The following TBC1D20 variants were observed in gnomAD, a reference collection of about 807,000 sequenced individuals.
TBC1D20 encodes chromosome 20 open reading frame 140.
A neutral mutation model predicts 41.6 loss-of-function variants in TBC1D20; 12 were observed. The ratio of observed to expected loss-of-function variants is 0.29; its 90% CI spans 0.18 to 0.47. The LOEUF (loss-of-function observed/expected upper bound fraction) is 0.47, where lower values mean the gene tolerates loss of function less well. TBC1D20 is among the 20% of genes least tolerant of loss of function. The pLI, the probability that TBC1D20 is intolerant of heterozygous loss-of-function variation, is 1.00. For synonymous variants in TBC1D20, 205 were observed against 204.8 expected (o/e 1.00, Z -0.01); for missense variants, 421 against 517.4 (o/e 0.81, Z 1.81).
intron 7 of TBC1D20, 37 bp from the exon 8 acceptor site, chr20:438,878 G>A: frequency 1.6e-5 from 25 of 1,605,172 alleles, no homozygotes; most frequent in Non-Finnish European, 2.1e-5. Flanking sequence ...GAAGTGGTAT[G>A]AAAGAGGAGG....
intron 1 of TBC1D20, 79 bp downstream of exon 1, chr20:462,257 G>A: frequency 2.9e-6 from 3 of 1,050,740 alleles, no homozygotes; most frequent in South Asian, 8.1e-5. Flanking sequence ...GCGCCCCTCC[G>A]GCGCCGCCTC....
intron 1 of TBC1D20, among the ~76,000 whole-genome samples, chr20:452,072 G>A (rs1472630014): frequency 6.6e-6 from 1 of 152,164 alleles, no homozygotes; most frequent in Non-Finnish European, 1.5e-5. Flanking sequence ...ACTTTGGGAG[G>A]CTGAGGCAGG....
Position 440,293 on chromosome 20 carries a change from G to A in TBC1D20, c.723C>T (p.Phe241=). 1 of 1,614,096 alleles carries A rather than the reference G, an allele frequency of 6.2e-7. No homozygotes were observed. Among genetic ancestry groups the A allele is most frequent in the Non-Finnish European group, 8.5e-7 (1 of 1,180,020 alleles). ...DFRHVVRLYD[F]FLACHPLMPI... The stretch of plus-strand genomic sequence containing the variant: ...GCATCAGTGGGTGGCAGGCCAGGAA[G>A]AAGTCATATAACCGCACGACGTGCC... Residue 241 remains phenylalanine (F), a synonymous_variant, in exon 6 of 8, where the codon TTC becomes TTT. Transcript: ENST00000354200.
intron 3 of TBC1D20, among the ~76,000 whole-genome samples, chr20:443,351 G>T (rs2017273858): frequency 6.6e-6 from 1 of 152,206 alleles, no homozygotes; most frequent in African/African-American, 2.4e-5. Flanking sequence ...CTTTCAGGGA[G>T]TTCTTTTACT....
chr20:440,638 T>C (rs7263349), intron 5 of TBC1D20: 14 of 417,346 alleles, frequency 3.4e-5, no homozygotes, highest in African/African-American at 2.9e-4. Context: ...GGCCAACAAA[T>C]GTCAACTACA....
Position 445,035 on chromosome 20 carries a change from G to T in TBC1D20, c.337+15C>A. 6.3e-7 allele frequency: 1 copy of T among 1,594,522 alleles called. No homozygotes were observed. Among genetic ancestry groups the T allele is most frequent in the East Asian group, 2.3e-5 (1 of 43,912 alleles). ...CAGTCTTTCCAAATGTGGCAGGACC[G>T]GGAGAGCTTCTCACCAGGAGGGAAC... On this transcript the variant is annotated intron_variant, in intron 3 of 7. Coordinates refer to ENST00000354200, the MANE Select transcript of TBC1D20 (RefSeq NM_144628.4).
At chr20:444,573 ATTTAT>A (rs1804909804) in intron 3 of TBC1D20, among the ~76,000 whole-genome samples, 2 of 151,910 alleles carry the variant, frequency 1.3e-5, no homozygotes, top group Admixed American at 1.3e-4. Context: ...TTTTGTTTTT[ATTTAT>A]TTATTTTTTT....
rs1388550214 is a variant in TBC1D20 at position 437,076 on chromosome 20, T to G, written c.*1510A>C. ...TTGCAGTGAGCTGAGACTGCACCAC[T>G]GCACTCCAGCCTGGGCAACAGAGTG... is the stretch of plus-strand genomic sequence containing the variant. On this transcript the variant is annotated 3_prime_UTR_variant, in exon 8 of 8. Transcript: ENST00000354200. 1 of 152,096 alleles carries G rather than the reference T, an allele frequency of 6.6e-6. No individual in the cohort carries two copies. The highest frequency in any genetic ancestry group is 1.9e-4 in the East Asian group (1 of 5,186). The allele number at this position is 152,096 out of a possible 1,614,324, so 9.4% of individuals were successfully genotyped here.
At chr20:448,842 T>C (rs1461430762) in intron 1 of TBC1D20, among the ~76,000 whole-genome samples, 1 of 115,340 alleles carries the variant, frequency 8.7e-6, no homozygotes, top group African/African-American at 4.9e-5. Context: ...TTACACGTAC[T>C]TTTTTTTTTT....
At chr20:442,162 G>A (rs2122388004) in intron 3 of TBC1D20, 119 bp from the exon 4 acceptor site, 1 of 939,362 alleles carries the variant, frequency 1.1e-6, no homozygotes, top group South Asian at 1.9e-5. Flanking sequence ...AAATAATTTG[G>A]CAACGCATAT....
intron 1 of TBC1D20, among the ~76,000 whole-genome samples, chr20:451,558 T>C (rs1467079696): frequency 6.6e-6 from 1 of 151,924 alleles, no homozygotes; most frequent in Non-Finnish European, 1.5e-5. Context: ...AAAAGAAAAA[T>C]AAATAAATAA....
chr20:452,191 C>T (rs2017455790), intron 1 of TBC1D20, among the ~76,000 whole-genome samples: 1 of 152,220 alleles, frequency 6.6e-6, no homozygotes, highest in Admixed American at 6.5e-5. Context: ...CCTGTAATCC[C>T]AGCTACTCAT....
At position 462,488 on chromosome 20, in the gene TBC1D20, A is replaced by AC. The variant is rs1288874609; in HGVS notation, c.-84dup. The AC allele has an allele frequency of 2.8e-5, 23 of 833,148 alleles. No individual in the cohort carries two copies. The Admixed American group carries it at 1.0e-3, about 37-fold the overall frequency. The allele number at this position is 833,148 out of a possible 1,614,324, so 51.6% of individuals were successfully genotyped here. On this transcript the variant is annotated 5_prime_UTR_variant, in exon 1 of 8. Transcript: ENST00000354200. ...CGCGGCTCCGACCGCGGGACGTAGCACCCGCTCGGCATCGGCAGGCTCCCC... is the reference window on the plus strand; with the variant it reads ...CGCGGCTCCGACCGCGGGACGTAGCACCCCGCTCGGCATCGGCAGGCTCCCC...
chr20:450,285 A>G (rs1395317567), intron 1 of TBC1D20, among the ~76,000 whole-genome samples: 1 of 151,342 alleles, frequency 6.6e-6, no homozygotes, highest in African/African-American at 2.4e-5. Flanking sequence ...AGTAGCTGGG[A>G]TTACAGGCAT....
intron 2 of TBC1D20, among the ~76,000 whole-genome samples, chr20:446,446 T>G (rs1035397842): frequency 6.6e-6 from 1 of 152,126 alleles, no homozygotes; most frequent in African/African-American, 2.4e-5. Context: ...GTTCAAGCGA[T>G]TCTCCTGCCT....
intron 3 of TBC1D20, among the ~76,000 whole-genome samples, chr20:443,095 G>A (rs1046054408): frequency 2.0e-5 from 3 of 151,922 alleles, no homozygotes; most frequent in East Asian, 1.9e-4. Context: ...GCAAGACTCC[G>A]TCTCCAAGAA....
Position 438,838 on chromosome 20 carries a change from C to T in TBC1D20, c.960G>A (p.Thr320=), listed in dbSNP as rs1054859080. The change falls in exon 8 of 8, where the codon ACG becomes ACA. Residue 320 remains threonine, a synonymous_variant. Coordinates refer to ENST00000354200, the MANE Select transcript of TBC1D20 (RefSeq NM_144628.4). ...EAAAQQQAER[T]AASTFKDFEL... is the part of the protein sequence containing the mutation. ...CAAAGTCTTTGAAAGTAGAGGCTGC[C>T]GTCCTGCAGGGGAAAGAGACGGAAG... The T allele has an allele frequency of 4.3e-6, 7 of 1,612,226 alleles. No homozygotes were observed. The highest frequency in any genetic ancestry group is 4.0e-5 in the African/African-American group (3 of 74,864).
intron 7 of TBC1D20, 26 bp from the exon 8 acceptor site, chr20:438,867 G>C: frequency 6.2e-7 from 1 of 1,608,556 alleles, no homozygotes; most frequent in Non-Finnish European, 8.5e-7. Flanking sequence ...ACGGAAGGAA[G>C]GAAGTGGTAT....
intron 1 of TBC1D20, among the ~76,000 whole-genome samples, chr20:458,690 C>T (rs909540886): frequency 2.0e-5 from 3 of 152,140 alleles, no homozygotes; most frequent in Non-Finnish European, 4.4e-5. Flanking sequence ...GGGAACGCAA[C>T]AAATACGTGC....
Sources: allele counts gnomAD v4.1 joint callset (sites outside exome capture counted in the v4.1 genomes callset), GRCh38; gene constraint gnomAD v4.1.1; transcripts MANE v1.5; gene names NCBI Gene and HGNC (gene_info 2026-07-23, HGNC 2026-07-21).